LRRTM4: variants seen among roughly 807,000 people sequenced by gnomAD.
LRRTM4 encodes leucine rich repeat transmembrane neuronal 4.
LRRTM4 carries 25 observed loss-of-function variants against 47.6 expected under a neutral mutation model. That is an observed-to-expected ratio of 0.53 (90% confidence interval 0.38 to 0.73). LRRTM4 has a LOEUF of 0.73. LRRTM4 is among the 30% of genes least tolerant of loss of function. The probability of loss-of-function intolerance (pLI) is 0.00; values close to 1 mark genes in which losing one functional copy is unlikely to be tolerated. For synonymous variants in LRRTM4, 311 were observed against 269.5 expected, an observed-to-expected ratio of 1.15 and a Z score of -1.51; for missense variants, 638 against 713.4, an observed-to-expected ratio of 0.89 and a Z score of 1.20.
At chr2:76,917,244 G>T (rs2103797712) in intron 3 of LRRTM4, among the ~76,000 whole-genome samples, 1 of 152,264 alleles carries the variant, frequency 6.6e-6, no homozygotes, top group South Asian at 2.1e-4. Flanking sequence ...AAACCAGGAG[G>T]CAGATTTGAC....
At chr2:76,791,189 G>A (rs1490964681) in intron 3 of LRRTM4, among the ~76,000 whole-genome samples, 2 of 152,132 alleles carry the variant, frequency 1.3e-5, no homozygotes, top group Non-Finnish European at 2.9e-5. Context: ...GGGCATTAGA[G>A]CTGGAAGTGA....
At chr2:77,352,122 ACTTTT>A (rs377256334) in intron 3 of LRRTM4, among the ~76,000 whole-genome samples, 1 of 152,276 alleles carries the variant, frequency 6.6e-6, no homozygotes, top group Non-Finnish European at 1.5e-5. Flanking sequence ...TTATAGGACA[ACTTTT>A]CTTTTCTTCT....
chr2:77,247,411 T>G (rs1296884458), intron 3 of LRRTM4, among the ~76,000 whole-genome samples: 2 of 152,106 alleles, frequency 1.3e-5, no homozygotes, highest in Non-Finnish European at 2.9e-5. Flanking sequence ...TCTCTTTTTT[T>G]GTTACATACG....
At chr2:77,408,594 T>A (rs1246320438) in intron 3 of LRRTM4, among the ~76,000 whole-genome samples, 1 of 152,194 alleles carries the variant, frequency 6.6e-6, no homozygotes, top group African/African-American at 2.4e-5. Context: ...TTACAGCAAC[T>A]GGACCACTGA....
chr2:77,210,917 GC>G (rs774771204), intron 3 of LRRTM4, among the ~76,000 whole-genome samples: 1 of 152,132 alleles, frequency 6.6e-6, no homozygotes, highest in Non-Finnish European at 1.5e-5. Flanking sequence ...AGGAAGCTCT[GC>G]TGAGCAACGG....
At chr2:76,925,234 T>G (rs964978550) in intron 3 of LRRTM4, among the ~76,000 whole-genome samples, 1 of 152,174 alleles carries the variant, frequency 6.6e-6, no homozygotes, top group Non-Finnish European at 1.5e-5. Context: ...GATGCTTTCC[T>G]ACTCTTCATG....
At chr2:77,400,194 G>T (rs894102911) in intron 3 of LRRTM4, among the ~76,000 whole-genome samples, 1 of 151,564 alleles carries the variant, frequency 6.6e-6, no homozygotes, top group Non-Finnish European at 1.5e-5. Flanking sequence ...TTCTTGACTT[G>T]GTAACATGAT....
chr2:77,484,879 A>G (rs1449933570), intron 3 of LRRTM4, among the ~76,000 whole-genome samples: 2 of 152,202 alleles, frequency 1.3e-5, no homozygotes, highest in African/African-American at 4.8e-5. Flanking sequence ...TTACCCAAGC[A>G]CAAAGAGAAG....
chr2:76,771,586 G>T (rs1433211432), intron 3 of LRRTM4, among the ~76,000 whole-genome samples: 1 of 149,640 alleles, frequency 6.7e-6, no homozygotes, highest in African/African-American at 2.5e-5. Context: ...TAAAACACTT[G>T]CCTGAAGCAG....
intron 3 of LRRTM4, among the ~76,000 whole-genome samples, chr2:76,810,589 A>G (rs1260817800): frequency 6.6e-6 from 1 of 152,196 alleles, no homozygotes; most frequent in Non-Finnish European, 1.5e-5. Context: ...TAAACAAAAA[A>G]TGTCTAAATA....
chr2:76,892,888 T>C (rs1673299252), intron 3 of LRRTM4, among the ~76,000 whole-genome samples: 1 of 151,256 alleles, frequency 6.6e-6, no homozygotes, highest in African/African-American at 2.4e-5. Context: ...GAAAATGTGG[T>C]AAGAAACATT....
At chr2:77,183,282 A>T (rs1451720527) in intron 3 of LRRTM4, among the ~76,000 whole-genome samples, 1 of 152,204 alleles carries the variant, frequency 6.6e-6, no homozygotes, top group African/African-American at 2.4e-5. Flanking sequence ...ATATGAACAG[A>T]CACTTCACAA....
At chr2:77,233,495 A>C (rs1441865443) in intron 3 of LRRTM4, among the ~76,000 whole-genome samples, 1 of 152,028 alleles carries the variant, frequency 6.6e-6, no homozygotes, top group Non-Finnish European at 1.5e-5. Context: ...ATGTATATTT[A>C]TTATTTTGAT....
chr2:76,910,014 G>A (rs187599452), intron 3 of LRRTM4, among the ~76,000 whole-genome samples: 51 of 152,168 alleles, frequency 3.4e-4, no homozygotes, highest in Admixed American at 1.4e-3. Flanking sequence ...CCAAAGGATT[G>A]TAAATCATGC....
intron 3 of LRRTM4, among the ~76,000 whole-genome samples, chr2:77,456,836 T>C (rs1379227982): frequency 7.9e-5 from 12 of 151,350 alleles, no homozygotes; most frequent in Admixed American, 2.6e-4. Context: ...TCTTCTCTAA[T>C]TTTCTGTAAC....
chr2:77,051,483 A>C (rs1404057022), intron 3 of LRRTM4, among the ~76,000 whole-genome samples: 1 of 152,182 alleles, frequency 6.6e-6, no homozygotes, highest in African/African-American at 2.4e-5. Context: ...TTCAGAAGAA[A>C]GCTTTTAGAA....
At chr2:76,906,856 A>T (rs1488611843) in intron 3 of LRRTM4, among the ~76,000 whole-genome samples, 1 of 151,422 alleles carries the variant, frequency 6.6e-6, no homozygotes, top group Non-Finnish European at 1.5e-5. Context: ...GCAAGTCCTG[A>T]GTGACCTACA....
intron 3 of LRRTM4, among the ~76,000 whole-genome samples, chr2:77,027,816 A>G (rs1244823121): frequency 6.6e-6 from 1 of 152,194 alleles, no homozygotes; most frequent in Non-Finnish European, 1.5e-5. Context: ...TACAATTTAT[A>G]CCAGGTTGAT....
At chr2:77,152,480 C>A (rs1181819883) in intron 3 of LRRTM4, among the ~76,000 whole-genome samples, 1 of 151,990 alleles carries the variant, frequency 6.6e-6, no homozygotes, top group Non-Finnish European at 1.5e-5. Context: ...AGGTGTGTGC[C>A]ACCACGCCGG....
Sources: gnomAD v4.1 joint callset for allele counts (sites outside exome capture counted in the v4.1 genomes callset) on GRCh38, gnomAD v4.1.1 for gene constraint, MANE v1.5 for transcripts, NCBI Gene and HGNC (gene_info 2026-07-23, HGNC 2026-07-21) for gene names.